SGCD: variants seen among roughly 807,000 people sequenced by gnomAD.
SGCD encodes the protein sarcoglycan delta, also known as delta-sarcoglycan.
Under a neutral mutation model 36.6 loss-of-function variants are expected in SGCD, and 18 were observed. That is an observed-to-expected ratio of 0.49 (90% confidence interval 0.34 to 0.73). The LOEUF is 0.73. Among genes scored for constraint, SGCD ranks in the 30% least tolerant of loss-of-function variants. SGCD has a pLI of 0.01. For missense variants in SGCD, 387 were observed against 346.7 expected (o/e 1.12, Z -0.92); for synonymous variants, 133 against 130.6 (o/e 1.02, Z -0.12).
At chr5:156,177,944 T>C (rs778959714) in intron 3 of SGCD, among the ~76,000 whole-genome samples, 1 of 152,202 alleles carries the variant, frequency 6.6e-6, no homozygotes, top group Non-Finnish European at 1.5e-5. Context: ...CCAATGTATA[T>C]TGAAAATATA....
At chr5:156,438,817 T>C (rs1432179686) in intron 3 of SGCD, among the ~76,000 whole-genome samples, 1 of 152,140 alleles carries the variant, frequency 6.6e-6, no homozygotes, top group African/African-American at 2.4e-5. Context: ...ATAGCTGCAG[T>C]AGTAATTGTG....
intron 1 of SGCD, among the ~76,000 whole-genome samples, chr5:156,063,403 A>G (rs1380560505): frequency 1.2e-5 from 1 of 82,482 alleles, no homozygotes; most frequent in African/African-American, 7.1e-5. Context: ...CTTAGGATTG[A>G]CTTGGCAATG....
the SGCD span, among the ~76,000 whole-genome samples, chr5:155,794,795 T>TA: frequency 3.9e-5 from 6 of 152,072 alleles, no homozygotes; most frequent in East Asian, 5.8e-4. Flanking sequence ...TCAAATATGA[T>TA]AAAAAATATT....
intron 3 of SGCD, among the ~76,000 whole-genome samples, chr5:156,376,771 T>C (rs1770693174): frequency 6.6e-6 from 1 of 152,170 alleles, no homozygotes; most frequent in Admixed American, 6.5e-5. Flanking sequence ...GAACTTGCCA[T>C]AGTCTCCAAA....
intron 7 of SGCD, among the ~76,000 whole-genome samples, chr5:156,709,512 G>C (rs745882988): frequency 1.2e-4 from 19 of 152,292 alleles, no homozygotes; most frequent in East Asian, 3.9e-4. Flanking sequence ...AGGAAAAAAG[G>C]GTTTGTGCTG....
chr5:156,324,174 T>C (rs1767745042), upstream of SGCD, among the ~76,000 whole-genome samples: 1 of 152,194 alleles, frequency 6.6e-6, no homozygotes, highest in Admixed American at 6.5e-5. Flanking sequence ...GCTCATTATT[T>C]ATAGGTTTGT....
At chr5:156,172,979 C>G (rs1488699882) in intron 3 of SGCD, among the ~76,000 whole-genome samples, 1 of 151,864 alleles carries the variant, frequency 6.6e-6, no homozygotes, top group Admixed American at 6.6e-5. Flanking sequence ...ATGATCTTGC[C>G]AAATTTTATA....
rs1425695298 is a variant in SGCD at position 156,374,486 on chromosome 5, A to G, written c.192+29809A>G. Reference sequence around the variant, plus strand: ...TTTTCAGTTGCTCTTCTCCAAGAGCAACAGAAACCTAGCAAATTGGGCATT... The same window carrying G: ...TTTTCAGTTGCTCTTCTCCAAGAGCGACAGAAACCTAGCAAATTGGGCATT... On this transcript the variant is annotated intron_variant, in intron 3 of 8. Transcript: ENST00000337851. 2.0e-5 allele frequency among the ~76,000 whole-genome samples: 3 copies of G among 152,310 alleles called. No homozygotes were observed. The East Asian group carries it at 5.8e-4, about 29-fold the overall frequency.
chr5:155,780,685 A>T, the SGCD span, among the ~76,000 whole-genome samples: 1 of 152,200 alleles, frequency 6.6e-6, no homozygotes, highest in Non-Finnish European at 1.5e-5. Context: ...AGGTGAAAGC[A>T]TGATTTCCAG....
rs574913829 is a variant in SGCD, at chr5:156,436,667, T to C, written c.193-71934T>C. On this transcript the variant is annotated intron_variant, in intron 3 of 8. Coordinates refer to ENST00000337851, the MANE Select transcript of SGCD (RefSeq NM_000337.6). ...ACATTTCCGTGTGAGTCCATTGCCT[T>C]TCCTATTATATCATGCTCCTGCTGC... 1.6e-4 allele frequency among the ~76,000 whole-genome samples: 25 copies of C among 152,320 alleles called. 1 individual carries two copies. Among genetic ancestry groups the C allele is most frequent in the African/African-American group, 5.5e-4 (23 of 41,582 alleles).
intron 3 of SGCD, among the ~76,000 whole-genome samples, chr5:156,183,234 GA>G (rs914941359): frequency 6.6e-6 from 1 of 152,144 alleles, no homozygotes; most frequent in African/African-American, 2.4e-5. Flanking sequence ...TGGAGTGTCT[GA>G]AAAGACTTAG....
At chr5:156,185,443 T>G (rs973080170) in intron 3 of SGCD, among the ~76,000 whole-genome samples, 4 of 152,060 alleles carry the variant, frequency 2.6e-5, no homozygotes, top group Admixed American at 6.6e-5. Flanking sequence ...CTCGATCTCC[T>G]GACCTTGTGA....
chr5:156,084,100 A>C (rs1761035108), intron 1 of SGCD, among the ~76,000 whole-genome samples: 1 of 152,168 alleles, frequency 6.6e-6, no homozygotes, highest in African/African-American at 2.4e-5. Context: ...TTTTCAATTA[A>C]ATTTAGAATA....
At chr5:156,666,967 T>C (rs1249940405) in intron 7 of SGCD, among the ~76,000 whole-genome samples, 2 of 151,938 alleles carry the variant, frequency 1.3e-5, no homozygotes, top group African/African-American at 4.8e-5. Flanking sequence ...TAAATAAAAA[T>C]TAAAATTAAA....
chr5:156,146,708 A>G (rs1183244360), intron 3 of SGCD, among the ~76,000 whole-genome samples: 1 of 152,192 alleles, frequency 6.6e-6, no homozygotes, highest in Non-Finnish European at 1.5e-5. Context: ...AAGGTAAATG[A>G]TGAGAGTAAT....
Position 156,153,242 on chromosome 5 carries a change from T to TA in SGCD, c.-44+29229dup, listed in dbSNP as rs916970008. Reference sequence around the variant, plus strand: ...AAAGGAACTTTCAAAATCAAGTGAGTAAAAAATGTTGTTTTTTTTTTTTTC... The same window carrying TA: ...AAAGGAACTTTCAAAATCAAGTGAGTAAAAAAATGTTGTTTTTTTTTTTTTC... On this transcript the variant is annotated intron_variant, in intron 3 of 9. Transcript: ENST00000517913. 1.3e-4 allele frequency among the ~76,000 whole-genome samples: 20 copies of TA among 150,412 alleles called. 1 individual carries two copies. Among genetic ancestry groups the TA allele is most frequent in the African/African-American group, 3.8e-4 (15 of 39,930 alleles).
chr5:156,316,398 G>T (rs761736279), intron 3 of SGCD, among the ~76,000 whole-genome samples: 3 of 151,868 alleles, frequency 2.0e-5, no homozygotes, highest in Admixed American at 1.3e-4. Flanking sequence ...GTAATTTACA[G>T]ATTAAATTCA....
chr5:155,941,132 A>G (rs987387282), intron 1 of SGCD, among the ~76,000 whole-genome samples: 8 of 152,164 alleles, frequency 5.3e-5, no homozygotes, highest in African/African-American at 1.7e-4. Flanking sequence ...AAGCAGGAGA[A>G]CAAGAGAGAG....
intron 3 of SGCD, among the ~76,000 whole-genome samples, chr5:156,252,009 T>C (rs1026221175): frequency 2.0e-5 from 3 of 152,190 alleles, no homozygotes; most frequent in Non-Finnish European, 4.4e-5. Context: ...ACTTTAAAAC[T>C]CTAGTCTGAA....
Sources: gnomAD v4.1 joint callset for allele counts (sites outside exome capture counted in the v4.1 genomes callset) on GRCh38, gnomAD v4.1.1 for gene constraint, MANE v1.5 for transcripts, NCBI Gene and HGNC (gene_info 2026-07-23, HGNC 2026-07-21) for gene names.